TFDP2: variants seen among roughly 807,000 people sequenced by gnomAD.
TFDP2 encodes the protein transcription factor Dp-2 (E2F dimerization partner 2).
In TFDP2, 17 loss-of-function variants were observed where a neutral mutation model predicts 59.3. The ratio of observed to expected loss-of-function variants is 0.29; its 90% CI spans 0.20 to 0.43. The LOEUF is 0.43. Ranked by LOEUF, TFDP2 falls within the 20% of genes least tolerant of loss-of-function variation. The pLI, the probability that TFDP2 is intolerant of heterozygous loss-of-function variation, is 1.00. For synonymous variants in TFDP2, 180 were observed against 194.7 expected (o/e 0.92, Z 0.63); for missense variants, 391 against 528.8 (o/e 0.74, Z 2.56).
chr3:141,987,424 G>C (rs1165298509), intron 6 of TFDP2, among the ~76,000 whole-genome samples: 1 of 151,874 alleles, frequency 6.6e-6, no homozygotes, highest in East Asian at 2.0e-4. Context: ...TGGGACTACA[G>C]GTGCATCCTG....
At chr3:141,961,954 C>CT (rs1030760079) in intron 10 of TFDP2, among the ~76,000 whole-genome samples, 5 of 151,932 alleles carry the variant, frequency 3.3e-5, no homozygotes, top group Non-Finnish European at 4.4e-5. Context: ...AGAATCCACT[C>CT]TTTTTTTGGG....
chr3:142,136,570 T>C (rs985955273), intron 1 of TFDP2, among the ~76,000 whole-genome samples: 23 of 152,122 alleles, frequency 1.5e-4, no homozygotes, highest in Admixed American at 1.4e-3. Context: ...CATTTAAGTC[T>C]TTAATCCATC....
chr3:142,086,826 TTATC>T (rs2060822482), intron 3 of TFDP2, among the ~76,000 whole-genome samples: 1 of 152,184 alleles, frequency 6.6e-6, no homozygotes, highest in African/African-American at 2.4e-5. Context: ...AATCGTGACT[TTATC>T]TTTCTGGTGA....
At chr3:142,045,196 C>T (rs1181212506) in intron 3 of TFDP2, among the ~76,000 whole-genome samples, 2 of 149,504 alleles carry the variant, frequency 1.3e-5, no homozygotes, top group South Asian at 4.2e-4. Context: ...TCTTGTTGCC[C>T]AGGCTGGAGT....
intron 3 of TFDP2, among the ~76,000 whole-genome samples, chr3:142,052,268 T>G (rs1181291691): frequency 1.3e-5 from 2 of 152,232 alleles, no homozygotes; most frequent in Admixed American, 1.3e-4. Context: ...CCGTGCGCGG[T>G]GGCTCACGCC....
intron 3 of TFDP2, among the ~76,000 whole-genome samples, chr3:142,035,649 G>A (rs1258502414): frequency 1.3e-5 from 2 of 152,222 alleles, no homozygotes; most frequent in South Asian, 2.1e-4. Context: ...ATTCCCATGT[G>A]TTGTGGGAGG....
intron 6 of TFDP2, among the ~76,000 whole-genome samples, chr3:141,982,542 G>A (rs992699203): frequency 6.6e-6 from 1 of 152,150 alleles, no homozygotes; most frequent in African/African-American, 2.4e-5. Context: ...CTTTTGAAAA[G>A]CCAAGAGTGA....
At chr3:141,988,728 G>A (rs1349513617) in intron 6 of TFDP2, among the ~76,000 whole-genome samples, 1 of 147,140 alleles carries the variant, frequency 6.8e-6, no homozygotes, top group Non-Finnish European at 1.5e-5. Context: ...GAGTGCAGTG[G>A]TGCAATCTCA....
intron 3 of TFDP2, among the ~76,000 whole-genome samples, chr3:142,015,572 C>T: frequency 6.6e-6 from 1 of 152,210 alleles, no homozygotes; most frequent in East Asian, 1.9e-4. Flanking sequence ...TGAATACAAC[C>T]ACTTCTCACC....
At chr3:142,063,555 T>C (rs2059984268) in intron 3 of TFDP2, among the ~76,000 whole-genome samples, 1 of 152,232 alleles carries the variant, frequency 6.6e-6, no homozygotes, top group African/African-American at 2.4e-5. Flanking sequence ...TAATCAATTG[T>C]TGAAAGTTAT....
At position 141,949,405 on chromosome 3, in the gene TFDP2, T is replaced by A. The variant is rs1255109766; in HGVS notation, c.*3108A>T. Reference sequence around the variant, plus strand: ...TTCCCGCCCTCCTCCAAGGCCCACCTTGATCATAAGGCACAAGGTATACAA... The same window carrying A: ...TTCCCGCCCTCCTCCAAGGCCCACCATGATCATAAGGCACAAGGTATACAA... On this transcript the variant is annotated 3_prime_UTR_variant, in exon 13 of 13. Transcript: ENST00000489671. 1 of 152,218 alleles carries A rather than the reference T, an allele frequency of 6.6e-6. No individual in the cohort carries two copies. The highest frequency in any genetic ancestry group is 1.5e-5 in the Non-Finnish European group (1 of 68,088). 9.4% of individuals were successfully genotyped at this position (152,218 alleles called of 1,614,324 possible).
chr3:142,058,947 GC>G (rs2059829630), intron 3 of TFDP2, among the ~76,000 whole-genome samples: 1 of 152,136 alleles, frequency 6.6e-6, no homozygotes, highest in Non-Finnish European at 1.5e-5. Context: ...TCTGGCACCA[GC>G]CCCCATCCTA....
At chr3:141,954,562 A>T (rs1559910600) in intron 11 of TFDP2, among the ~76,000 whole-genome samples, 1 of 151,234 alleles carries the variant, frequency 6.6e-6, no homozygotes, top group African/African-American at 2.4e-5. Context: ...ACTTGAACCC[A>T]GGAGGCGGAG....
At chr3:142,128,193 C>T (rs1163201392) in intron 1 of TFDP2, among the ~76,000 whole-genome samples, 2 of 152,074 alleles carry the variant, frequency 1.3e-5, no homozygotes. Context: ...GAGCAACACC[C>T]TGTCTCAAAA....
chr3:142,094,124 G>GA (rs557368020), intron 2 of TFDP2, among the ~76,000 whole-genome samples: 3 of 151,592 alleles, frequency 2.0e-5, no homozygotes, highest in South Asian at 4.2e-4. Flanking sequence ...AAGCCTGGAG[G>GA]AAAAAAAACC....
At chr3:142,128,110 T>C (rs931812315) in intron 1 of TFDP2, among the ~76,000 whole-genome samples, 1 of 152,020 alleles carries the variant, frequency 6.6e-6, no homozygotes, top group Non-Finnish European at 1.5e-5. Flanking sequence ...GAGGCTGAGG[T>C]GGGACGACTG....
Position 141,952,262 on chromosome 3 carries a change from A to C in TFDP2, c.*251T>G. 1 of 345,202 alleles carries C rather than the reference A, an allele frequency of 2.9e-6. No individual in the cohort carries two copies. The allele number at this position is 345,202 out of a possible 1,614,324, so 21.4% of individuals were successfully genotyped here. A position where few individuals can be genotyped will look rare whatever the true frequency, so the allele number is the denominator to read the frequency against. ...CAACTCTTCAGGGATTATCCCCACTATCTCCTCAGAAAGCATGCTTTCTTT... is the reference window on the plus strand; with the variant it reads ...CAACTCTTCAGGGATTATCCCCACTCTCTCCTCAGAAAGCATGCTTTCTTT... On this transcript the variant is annotated 3_prime_UTR_variant, in exon 13 of 13. Coordinates refer to ENST00000489671, the MANE Select transcript of TFDP2 (RefSeq NM_001178139.2).
chr3:142,085,378 A>G (rs895941810), intron 3 of TFDP2, among the ~76,000 whole-genome samples: 1 of 146,856 alleles, frequency 6.8e-6, no homozygotes, highest in Non-Finnish European at 1.5e-5. Context: ...TACTCCATAA[A>G]TATATATGTA....
At chr3:141,997,345 A>G (rs538631939) in intron 4 of TFDP2, among the ~76,000 whole-genome samples, 4 of 152,298 alleles carry the variant, frequency 2.6e-5, no homozygotes, top group African/African-American at 7.2e-5. Context: ...CACATTCTCT[A>G]TCATGCTGAC....
Sources: allele counts gnomAD v4.1 joint callset (sites outside exome capture counted in the v4.1 genomes callset), GRCh38; gene constraint gnomAD v4.1.1; transcripts MANE v1.5; gene names NCBI Gene and HGNC (gene_info 2026-07-23, HGNC 2026-07-21).